RNLS: variants seen among roughly 807,000 people sequenced by gnomAD.
The protein encoded by RNLS is renalase, FAD dependent amine oxidase, also known as renalase.
RNLS carries 39 observed loss-of-function variants against 39.8 expected under a neutral mutation model. The observed-to-expected ratio is 0.98, with a 90% CI of 0.76 to 1.28. The LOEUF is 1.28. RNLS is among the 50% of genes most tolerant of loss of function. The probability of loss-of-function intolerance (pLI) is 0.00; values close to 1 mark genes in which losing one functional copy is unlikely to be tolerated. For missense variants in RNLS, 410 were observed against 413.3 expected (o/e 0.99, Z 0.07); for synonymous variants, 147 against 150.7 (o/e 0.98, Z 0.18).
rs546023433 is a variant in RNLS, at chr10:88,345,076, C to G, written c.700+17476G>C. ...AAAGCCTTCTCAGCTCACTTAATAA[C>G]AAGAAATTTACTGGTAATAAACCAA... On this transcript the variant is annotated intron_variant, in intron 5 of 6. Transcript: ENST00000331772. Among the ~76,000 whole-genome samples the G allele has an allele frequency of 1.2e-4, 18 of 152,174 alleles. No homozygotes were observed. In the South Asian group the frequency reaches 2.3e-3, roughly 19 times the overall value.
At chr10:88,368,548 A>G (rs1416699430) in intron 4 of RNLS, among the ~76,000 whole-genome samples, 1 of 149,034 alleles carries the variant, frequency 6.7e-6, no homozygotes, top group African/African-American at 2.5e-5. Flanking sequence ...TTAGTGTGTT[A>G]TGTTTTTTCT....
At chr10:88,274,679 C>G (rs1842747815) in exon 7 of RNLS, 1 of 338,768 alleles carries the variant, frequency 3.0e-6, no homozygotes, top group South Asian at 3.5e-5. Flanking sequence ...GTTCAAGTCC[C>G]TACTTTCACT....
rs549365664 is a variant in RNLS at position 88,438,170 on chromosome 10, T to C, written c.527-75445A>G. Among the ~76,000 whole-genome samples, 107 of 150,762 alleles carry C rather than the reference T, an allele frequency of 7.1e-4. 1 individual carries two copies. In the South Asian group the frequency reaches 8.4e-3, roughly 12 times the overall value. Reference sequence around the variant, plus strand: ...GCTCAGGAAAAGATGGACCCATTCCTTCCTCAGACTTTGTCATATCTGGAT... The same window carrying C: ...GCTCAGGAAAAGATGGACCCATTCCCTCCTCAGACTTTGTCATATCTGGAT... On this transcript the variant is annotated intron_variant, in intron 4 of 6. Coordinates refer to ENST00000331772, the MANE Select transcript of RNLS (RefSeq NM_001031709.3).
intron 5 of RNLS, among the ~76,000 whole-genome samples, chr10:88,323,852 A>C (rs966995613): frequency 3.9e-5 from 6 of 152,186 alleles, no homozygotes; most frequent in Admixed American, 3.3e-4. Flanking sequence ...AATATCCAGA[A>C]TCTATAAGGA....
intron 4 of RNLS, among the ~76,000 whole-genome samples, chr10:88,479,419 T>G (rs890084875): frequency 5.3e-5 from 8 of 152,226 alleles, no homozygotes; most frequent in East Asian, 1.9e-4. Flanking sequence ...AGGAAAATTA[T>G]ATACAGTTTT....
At chr10:88,526,842 G>C (rs967834711) in intron 4 of RNLS, among the ~76,000 whole-genome samples, 1 of 151,962 alleles carries the variant, frequency 6.6e-6, no homozygotes, top group Non-Finnish European at 1.5e-5. Context: ...TCAATTCTAA[G>C]TTTGCAAAGG....
intron 4 of RNLS, among the ~76,000 whole-genome samples, chr10:88,504,696 A>T (rs1845688290): frequency 6.6e-6 from 1 of 152,134 alleles, no homozygotes; most frequent in Non-Finnish European, 1.5e-5. Context: ...CAGCACTCAG[A>T]CTGTATACAC....
chr10:88,426,256 A>G (rs563976646), intron 4 of RNLS, among the ~76,000 whole-genome samples: 13 of 152,212 alleles, frequency 8.5e-5, no homozygotes, highest in African/African-American at 3.1e-4. Context: ...AACTTGGGGC[A>G]CATTTGGCAG....
At chr10:88,306,432 C>T (rs1339106051) in intron 6 of RNLS, among the ~76,000 whole-genome samples, 1 of 151,930 alleles carries the variant, frequency 6.6e-6, no homozygotes, top group Non-Finnish European at 1.5e-5. Context: ...AGACTGCTAG[C>T]TAGACTAATA....
intron 4 of RNLS, among the ~76,000 whole-genome samples, chr10:88,496,618 A>G (rs1845189668): frequency 1.3e-5 from 2 of 152,112 alleles, no homozygotes; most frequent in South Asian, 2.1e-4. Context: ...TTCAGAATCT[A>G]TCTGTGGCCA....
intron 4 of RNLS, among the ~76,000 whole-genome samples, chr10:88,558,844 C>G (rs193032253): frequency 2.6e-5 from 4 of 152,186 alleles, no homozygotes; most frequent in African/African-American, 9.6e-5. Flanking sequence ...AAATGTAAGG[C>G]TAATAACTGT....
At chr10:88,488,436 C>G (rs866234425) in intron 4 of RNLS, among the ~76,000 whole-genome samples, 3 of 151,628 alleles carry the variant, frequency 2.0e-5, no homozygotes, top group African/African-American at 7.3e-5. Flanking sequence ...ATCCCAGCTA[C>G]TTGGGAGTCT....
intron 4 of RNLS, among the ~76,000 whole-genome samples, chr10:88,367,205 A>G (rs1166903778): frequency 6.6e-6 from 1 of 152,108 alleles, no homozygotes; most frequent in Non-Finnish European, 1.5e-5. Context: ...CCAGAACCCC[A>G]GAAGCTACCT....
chr10:88,291,018 G>C (rs1564665596), intron 6 of RNLS, among the ~76,000 whole-genome samples: 1 of 152,162 alleles, frequency 6.6e-6, no homozygotes, highest in Non-Finnish European at 1.5e-5. Flanking sequence ...CCCACTCCAA[G>C]AGCACCAGAA....
downstream of RNLS, among the ~76,000 whole-genome samples, chr10:88,283,725 C>T (rs1262383927): frequency 2.0e-5 from 3 of 151,972 alleles, no homozygotes; most frequent in African/African-American, 4.8e-5. Flanking sequence ...AACCAAATAC[C>T]ACAGGTTCTC....
the RNLS span, among the ~76,000 whole-genome samples, chr10:88,242,763 C>T: frequency 2.0e-5 from 3 of 152,122 alleles, no homozygotes; most frequent in Non-Finnish European, 4.4e-5. Context: ...CCAGCCTCAA[C>T]ATGGAGAAAC....
At chr10:88,172,869 T>G in the RNLS span, among the ~76,000 whole-genome samples, 9 of 109,374 alleles carry the variant, frequency 8.2e-5, 1 homozygote, top group African/African-American at 1.2e-4. Context: ...TTTTTTTTTT[T>G]TTTTTTAGAT....
At chr10:88,481,299 C>T (rs1159061343) in intron 4 of RNLS, among the ~76,000 whole-genome samples, 2 of 152,052 alleles carry the variant, frequency 1.3e-5, no homozygotes, top group East Asian at 3.9e-4. Flanking sequence ...GATGTTTAGG[C>T]CATTCACATT....
chr10:88,176,091 T>C, the RNLS span, among the ~76,000 whole-genome samples: 1 of 152,242 alleles, frequency 6.6e-6, no homozygotes, highest in Non-Finnish European at 1.5e-5. Context: ...TCAGGCTCTG[T>C]CTTTACAGGT....
Sources: allele counts gnomAD v4.1 joint callset (sites outside exome capture counted in the v4.1 genomes callset), GRCh38; gene constraint gnomAD v4.1.1; transcripts MANE v1.5; gene names NCBI Gene and HGNC (gene_info 2026-07-23, HGNC 2026-07-21).